The following CDK5RAP1 variants were observed in gnomAD, a reference collection of about 807,000 sequenced individuals.
CDK5RAP1 encodes CDK5RAP1 mitochondrial tRNA methylthiotransferase, also known as mitochondrial tRNA methylthiotransferase CDK5RAP1.
A neutral mutation model predicts 64.5 loss-of-function variants in CDK5RAP1; 62 were observed. The observed-to-expected ratio is 0.96, with a 90% CI of 0.78 to 1.19. The LOEUF (loss-of-function observed/expected upper bound fraction) is 1.19. Among genes scored for constraint, CDK5RAP1 ranks in the 50% most tolerant of loss-of-function variants. CDK5RAP1 has a pLI of 0.00. For synonymous variants in CDK5RAP1, 250 were observed against 261.9 expected (o/e 0.95, Z 0.44); for missense variants, 657 against 735.0 (o/e 0.89, Z 1.23).
chr20:33,363,243 G>A lies in CDK5RAP1; in HGVS notation c.1543-2752C>T, dbSNP rs183034536. ...TCATGGAAGTCAAAGAAATAATGAC[G>A]AACCATCCTAGACTAAAGGAGACTA... On this transcript the variant is annotated intron_variant, in intron 12 of 13. Coordinates refer to ENST00000346416, the MANE Select transcript of CDK5RAP1 (RefSeq NM_016408.4). 5.5e-3 allele frequency among the ~76,000 whole-genome samples: 844 copies of A among 152,200 alleles called. 5 individuals carry two copies. Among genetic ancestry groups the A allele is most frequent in the African/African-American group, 0.019 (799 of 41,528 alleles).
intron 8 of CDK5RAP1, among the ~76,000 whole-genome samples, chr20:33,377,597 G>C (rs1055178999): frequency 6.6e-6 from 1 of 152,160 alleles, no homozygotes; most frequent in Non-Finnish European, 1.5e-5. Context: ...GATCACTAAA[G>C]CTTTCTCCAT....
intron 10 of CDK5RAP1, among the ~76,000 whole-genome samples, chr20:33,372,038 C>T (rs1985106534): frequency 6.6e-6 from 1 of 152,148 alleles, no homozygotes; most frequent in Non-Finnish European, 1.5e-5. Flanking sequence ...TTCATCAAGA[C>T]TTCTCTGAAG....
intron 1 of CDK5RAP1, among the ~76,000 whole-genome samples, chr20:33,397,996 C>CA (rs796892474): frequency 1.5e-4 from 22 of 146,308 alleles, no homozygotes; most frequent in Admixed American, 3.4e-4. Flanking sequence ...CATCTCAAAA[C>CA]AAAAAAAAAA....
chr20:33,377,546 T>C (rs1986164098), intron 8 of CDK5RAP1, among the ~76,000 whole-genome samples: 1 of 152,246 alleles, frequency 6.6e-6, no homozygotes, highest in Non-Finnish European at 1.5e-5. Context: ...GATTAGGCTT[T>C]GGCTTAAGGA....
chr20:33,366,397 G>A (rs1478259667), intron 12 of CDK5RAP1, among the ~76,000 whole-genome samples: 3 of 150,278 alleles, frequency 2.0e-5, no homozygotes, highest in Admixed American at 6.6e-5. Flanking sequence ...TGAGGTGGGT[G>A]GATAACTTTG....
chr20:33,377,223 G>T (rs1013467386), intron 8 of CDK5RAP1, among the ~76,000 whole-genome samples: 2 of 152,194 alleles, frequency 1.3e-5, no homozygotes, highest in African/African-American at 4.8e-5. Flanking sequence ...TTGAAGCTTT[G>T]AAGAATGGCA....
intron 13 of CDK5RAP1, chr20:33,359,621 C>T (rs189304015): frequency 2.6e-5 from 4 of 155,748 alleles, no homozygotes; most frequent in Admixed American, 2.5e-4. Flanking sequence ...ATTTTGTACC[C>T]GGAATTGCCC....
intron 9 of CDK5RAP1, 26 bp from the exon 10 acceptor site, chr20:33,372,723 G>T (rs768781056): frequency 3.3e-6 from 5 of 1,524,876 alleles, no homozygotes; most frequent in Non-Finnish European, 3.6e-6. Flanking sequence ...AAAGGAAAAG[G>T]CCTACATAAA....
chr20:33,381,908 T>C (rs1271803624), intron 7 of CDK5RAP1, among the ~76,000 whole-genome samples: 1 of 152,206 alleles, frequency 6.6e-6, no homozygotes, highest in Non-Finnish European at 1.5e-5. Context: ...GATTGGATCC[T>C]GGAAACGAAG....
intron 8 of CDK5RAP1, among the ~76,000 whole-genome samples, chr20:33,378,029 T>G (rs1986236484): frequency 6.6e-6 from 1 of 152,220 alleles, no homozygotes; most frequent in Admixed American, 6.5e-5. Flanking sequence ...GTACTTTTAA[T>G]TTCCTTCATG....
At chr20:33,360,137 A>T in intron 13 of CDK5RAP1, 1 of 551,948 alleles carries the variant, frequency 1.8e-6, no homozygotes, top group Non-Finnish European at 3.2e-6. Flanking sequence ...TCCCACAAAG[A>T]ACGCTTCCAG....
chr20:33,377,421 G>C (rs943556454), intron 8 of CDK5RAP1, among the ~76,000 whole-genome samples: 1 of 152,182 alleles, frequency 6.6e-6, no homozygotes, highest in African/African-American at 2.4e-5. Context: ...TGATGTTAGA[G>C]AGATGGCTTC....
At chr20:33,382,457 G>A (rs528239445) in intron 7 of CDK5RAP1, among the ~76,000 whole-genome samples, 4 of 152,286 alleles carry the variant, frequency 2.6e-5, no homozygotes, top group African/African-American at 9.6e-5. Context: ...AAGGCGGGTA[G>A]ATCACCTGAG....
intron 1 of CDK5RAP1, among the ~76,000 whole-genome samples, chr20:33,397,677 G>A (rs1275983896): frequency 3.3e-5 from 5 of 152,186 alleles, no homozygotes; most frequent in African/African-American, 4.8e-5. Flanking sequence ...TTGTATGCCC[G>A]ATCAGTGACT....
chr20:33,393,656 C>G (rs1392565784), intron 4 of CDK5RAP1, among the ~76,000 whole-genome samples: 2 of 152,112 alleles, frequency 1.3e-5, no homozygotes, highest in African/African-American at 4.8e-5. Flanking sequence ...CAAAACTCCC[C>G]AAGCCTATGA....
chr20:33,366,393 G>A (rs1480891411), intron 12 of CDK5RAP1, among the ~76,000 whole-genome samples: 1 of 151,012 alleles, frequency 6.6e-6, no homozygotes, highest in Non-Finnish European at 1.5e-5. Context: ...AGGCTGAGGT[G>A]GGTGGATAAC....
intron 13 of CDK5RAP1, chr20:33,359,484 C>T (rs1982500056): frequency 4.9e-6 from 1 of 205,034 alleles, no homozygotes; most frequent in Non-Finnish European, 1.0e-5. Context: ...TTACAGCCAA[C>T]ATTTGGTGAG....
intron 7 of CDK5RAP1, 95 bp from the exon 8 acceptor site, chr20:33,379,786 G>T: frequency 1.1e-6 from 1 of 942,280 alleles, no homozygotes; most frequent in Non-Finnish European, 1.6e-6. Context: ...CATATCTTTT[G>T]TTTTAAACAA....
chr20:33,392,342 T>G, intron 4 of CDK5RAP1, 100 bp from the exon 5 acceptor site: 1 of 590,882 alleles, frequency 1.7e-6, no homozygotes, highest in Non-Finnish European at 2.8e-6. Context: ...CCTTCAACCC[T>G]TTAAATCAAG....
Sources: allele counts gnomAD v4.1 joint callset (sites outside exome capture counted in the v4.1 genomes callset), GRCh38; gene constraint gnomAD v4.1.1; transcripts MANE v1.5; gene names NCBI Gene and HGNC (gene_info 2026-07-23, HGNC 2026-07-21).